Variants in UCHL5 observed in about 807,000 individuals in gnomAD.
The protein encoded by UCHL5 is ubiquitin C-terminal hydrolase L5, also known as ubiquitin carboxyl-terminal hydrolase isozyme L5.
Under a neutral mutation model 53.8 loss-of-function variants are expected in UCHL5, and 34 were observed. That is an observed-to-expected ratio of 0.63 (90% confidence interval 0.48 to 0.84). UCHL5 has a LOEUF of 0.84. UCHL5 is among the 40% of genes least tolerant of loss of function. The pLI is 0.00. For missense variants in UCHL5, 290 were observed against 385.6 expected (o/e 0.75, Z 2.08); for synonymous variants, 111 against 126.3 (o/e 0.88, Z 0.81).
upstream of UCHL5, chr1:193,059,517 TGAG>T: frequency 6.3e-7 from 1 of 1,582,200 alleles, no homozygotes; most frequent in Non-Finnish European, 8.6e-7. This position sits in a 1 kb window ranked among gnomAD's most constrained non-coding sequence, Gnocchi z 4.9. Flanking sequence ...GGCTGGGGCC[TGAG>T]AAGAAAGGGC....
intron 2 of UCHL5, among the ~76,000 whole-genome samples, chr1:193,050,235 T>G (rs927036516): frequency 6.6e-6 from 1 of 152,214 alleles, no homozygotes. Flanking sequence ...TTATCTATAT[T>G]AAATATAGGA....
Position 193,018,170 on chromosome 1 carries a change from C to A in UCHL5, c.943-1775G>T, listed in dbSNP as rs372033042. ...TTTCTATTAAGAAATAGAAAAAGAT[C>A]TGAAGCTTACTTATTACCAATTGAA... On this transcript the variant is annotated intron_variant, in intron 10 of 10. Transcript: ENST00000367454. 2.6e-5 allele frequency among the ~76,000 whole-genome samples: 4 copies of A among 151,526 alleles called. 1 individual carries two copies. In the South Asian group the frequency reaches 6.2e-4, roughly 24 times the overall value.
At chr1:193,045,830 T>C (rs1321053256) in intron 3 of UCHL5, among the ~76,000 whole-genome samples, 1 of 152,220 alleles carries the variant, frequency 6.6e-6, no homozygotes. Context: ...TATAATGGCA[T>C]ATATGCTTAT....
chr1:193,059,770 G>A, upstream of UCHL5: 2 of 1,356,596 alleles, frequency 1.5e-6, no homozygotes, highest in Admixed American at 2.0e-5. This position sits in a 1 kb window ranked among gnomAD's most constrained non-coding sequence, Gnocchi z 4.9. Flanking sequence ...TCGGCTGCCA[G>A]GTACAGGTGA....
chr1:193,018,878 A>C, intron 10 of UCHL5: 1 of 1,484,822 alleles, frequency 6.7e-7, no homozygotes, highest in Non-Finnish European at 9.1e-7. Context: ...TGAATTCTAT[A>C]GGTAATTTTT....
intron 3 of UCHL5, among the ~76,000 whole-genome samples, chr1:193,032,148 T>A (rs1661671499): frequency 6.6e-6 from 1 of 152,082 alleles, no homozygotes; most frequent in South Asian, 2.1e-4. Flanking sequence ...GATTTTGTAA[T>A]CCCCAGACTA....
At chr1:193,018,757 C>A in intron 10 of UCHL5, 1 of 1,526,088 alleles carries the variant, frequency 6.6e-7, no homozygotes, top group East Asian at 2.5e-5. Context: ...CATGGTGCAG[C>A]CATATCTTTC....
Position 193,052,429 on chromosome 1 carries a change from C to T in UCHL5, c.77-612G>A, listed in dbSNP as rs1669347262. Reference sequence around the variant, plus strand: ...GGTGTGGACGGTAGGGGAGAGGCTACTAGCAACTATTTGGTAGAGGCCAGG... The same window carrying T: ...GGTGTGGACGGTAGGGGAGAGGCTATTAGCAACTATTTGGTAGAGGCCAGG... On this transcript the variant is annotated intron_variant, in intron 1 of 10. Transcript: ENST00000367454. 2.0e-5 allele frequency among the ~76,000 whole-genome samples: 3 copies of T among 152,064 alleles called. No individual in the cohort carries two copies. In the South Asian group the frequency reaches 6.2e-4, roughly 32 times the overall value.
At position 193,022,664 on chromosome 1, in the gene UCHL5, CAAAAAAA is replaced by C. The variant is rs1291548226; in HGVS notation, c.843+255_843+261del. On this transcript the variant is annotated intron_variant, in intron 9 of 10. Transcript: ENST00000367454. ...CTTGGCGACAGAGCGAGACTCTGTCCAAAAAAAAAAAAAAAAAAGGAATAATAACTAC... is the reference window on the plus strand; with the variant it reads ...CTTGGCGACAGAGCGAGACTCTGTCCAAAAAAAAAAAGGAATAATAACTAC... 4.2e-3 allele frequency among the ~76,000 whole-genome samples: 225 copies of C among 53,980 alleles called. No homozygotes were observed. In the Middle Eastern group the frequency reaches 0.054, roughly 13 times the overall value. 35.4% of individuals were successfully genotyped at this position (53,980 alleles called of 152,430 possible). A position where few individuals can be genotyped will look rare whatever the true frequency, so the allele number is the denominator to read the frequency against.
At chr1:193,059,361 G>C, upstream of UCHL5, 2 of 1,606,166 alleles carry the variant, frequency 1.2e-6, no homozygotes, top group Non-Finnish European at 1.7e-6. The surrounding 1 kb of genome is among the most constrained non-coding windows in gnomAD (Gnocchi z 4.9). Context: ...CGCCGAGCTC[G>C]TCAACCACAC....
intron 1 of UCHL5, among the ~76,000 whole-genome samples, chr1:193,054,301 T>C (rs994077312): frequency 1.3e-5 from 2 of 152,238 alleles, no homozygotes; most frequent in African/African-American, 4.8e-5. Context: ...ATTTAACTGC[T>C]AGGTATGCTA....
chr1:193,048,647 CTTTT>C (rs889133550), intron 3 of UCHL5, among the ~76,000 whole-genome samples: 2 of 152,146 alleles, frequency 1.3e-5, no homozygotes, highest in African/African-American at 4.8e-5. Flanking sequence ...TGAGACAGAA[CTTTT>C]TTTATTGATT....
intron 3 of UCHL5, among the ~76,000 whole-genome samples, chr1:193,047,939 T>C (rs1667866882): frequency 6.6e-6 from 1 of 152,198 alleles, no homozygotes. Flanking sequence ...TAAAAAAAAG[T>C]CTTTGATAAA....
chr1:193,027,943 T>C (rs1257541297), intron 7 of UCHL5, 142 bp downstream of exon 7: 1 of 1,480,588 alleles, frequency 6.8e-7, no homozygotes, highest in Non-Finnish European at 8.9e-7. Context: ...GGCAACATGG[T>C]GAAAACCCGT....
chr1:193,043,809 T>C (rs916088112), intron 3 of UCHL5, among the ~76,000 whole-genome samples: 2 of 152,166 alleles, frequency 1.3e-5, no homozygotes, highest in Non-Finnish European at 1.5e-5. Flanking sequence ...TATTGTCACA[T>C]AGCATTGCCA....
At position 193,023,945 on chromosome 1, in the gene UCHL5, A is replaced by T; in HGVS notation, c.631T>A (p.Tyr211Asn). ...RPVIEKRIQK[Y>N]SEGEIRFNLM... ...TTAAATCGAATTTCACCTTCACTGTACCTAGAAGAAAATTATTTAAGTTTA... is the reference window on the plus strand; with the variant it reads ...TTAAATCGAATTTCACCTTCACTGTTCCTAGAAGAAAATTATTTAAGTTTA... The change falls in exon 8 of 11, where the codon TAC becomes AAC. Residue 211 changes from tyrosine (Y) to asparagine (N), a missense_variant and splice_region_variant. Physicochemically the swap from Tyr to Asn is moderately radical, Grantham distance 143 (BLOSUM62 -2). Transcript: ENST00000367454. 1 of 1,587,104 alleles carries T rather than the reference A, an allele frequency of 6.3e-7. No homozygotes were observed. Among genetic ancestry groups the T allele is most frequent in the East Asian group, 2.2e-5 (1 of 44,548 alleles).
intron 1 of UCHL5, among the ~76,000 whole-genome samples, chr1:193,055,026 C>A (rs1394282416): frequency 6.6e-6 from 1 of 152,176 alleles, no homozygotes; most frequent in Non-Finnish European, 1.5e-5. Flanking sequence ...ACAGATTTGG[C>A]ACCAACCCTG....
At chr1:193,037,460 C>T (rs1185129864) in intron 3 of UCHL5, among the ~76,000 whole-genome samples, 1 of 151,952 alleles carries the variant, frequency 6.6e-6, no homozygotes, top group African/African-American at 2.4e-5. Context: ...TCTAAAGAAT[C>T]TAATAACAAG....
At chr1:193,033,932 T>C (rs1462424083) in intron 3 of UCHL5, among the ~76,000 whole-genome samples, 3 of 152,352 alleles carry the variant, frequency 2.0e-5, no homozygotes, top group East Asian at 1.9e-4. Flanking sequence ...GTGCTTGTTG[T>C]TCAAGAGACA....
Sources: gnomAD v4.1 joint callset for allele counts (sites outside exome capture counted in the v4.1 genomes callset) on GRCh38, gnomAD v4.1.1 for gene constraint, Gnocchi (gnomAD v3.1) non-coding constraint, MANE v1.5 for transcripts, NCBI Gene and HGNC (gene_info 2026-07-23, HGNC 2026-07-21) for gene names.